The following EPS15 variants were observed in gnomAD, a reference collection of about 807,000 sequenced individuals.
EPS15 encodes the protein epidermal growth factor receptor pathway substrate 15.
EPS15 carries 72 observed loss-of-function variants against 113.8 expected under a neutral mutation model. The ratio of observed to expected loss-of-function variants is 0.63; its 90% CI spans 0.52 to 0.77. The LOEUF (loss-of-function observed/expected upper bound fraction) is 0.77. EPS15 is among the 30% of genes least tolerant of loss of function. The probability of loss-of-function intolerance (pLI) is 0.00; values close to 1 mark genes in which losing one functional copy is unlikely to be tolerated. For synonymous variants in EPS15, 344 were observed against 363.4 expected (o/e 0.95, Z 0.61); for missense variants, 1,048 against 1,045.8 (o/e 1.00, Z -0.03).
At chr1:51,496,506 C>T (rs1334358252) in intron 1 of EPS15, among the ~76,000 whole-genome samples, 2 of 152,086 alleles carry the variant, frequency 1.3e-5, no homozygotes, top group African/African-American at 4.8e-5. Flanking sequence ...TTTTATTCAC[C>T]TACAATTGCA....
intron 19 of EPS15, among the ~76,000 whole-genome samples, chr1:51,399,626 A>C (rs1648317797): frequency 6.6e-6 from 1 of 152,006 alleles, no homozygotes; most frequent in Non-Finnish European, 1.5e-5. Flanking sequence ...TGGGAGGTTG[A>C]GGTAGACGGA....
chr1:51,492,722 A>AC lies in EPS15; in HGVS notation c.34-11409_34-11408insG, dbSNP rs532740311. On this transcript the variant is annotated intron_variant, in intron 1 of 24. Transcript: ENST00000371733. Reference sequence around the variant, plus strand: ...GCCAAAAAAACAAACAAACAAACAAAAAAAACAGATCAGTGGAAGAAGCAT... The same window carrying AC: ...GCCAAAAAAACAAACAAACAAACAAACAAAAACAGATCAGTGGAAGAAGCAT... Among the ~76,000 whole-genome samples, 44 of 152,296 alleles carry AC rather than the reference A, an allele frequency of 2.9e-4. No individual in the cohort carries two copies. In the East Asian group the frequency reaches 8.3e-3, roughly 29 times the overall value.
intron 7 of EPS15, among the ~76,000 whole-genome samples, chr1:51,461,508 A>G (rs995721910): frequency 6.9e-6 from 1 of 144,212 alleles, no homozygotes; most frequent in African/African-American, 2.6e-5. Flanking sequence ...CAACGGAGCT[A>G]GACACTGTTT....
intron 21 of EPS15, among the ~76,000 whole-genome samples, chr1:51,377,211 C>T (rs560877372): frequency 2.0e-5 from 3 of 152,150 alleles, no homozygotes; most frequent in African/African-American, 7.2e-5. Flanking sequence ...TTGCAATGAG[C>T]CGAGACAGCT....
chr1:51,357,391 A>AAAAAATAT (rs1491245303), intron 24 of EPS15, among the ~76,000 whole-genome samples: 2 of 65,732 alleles, frequency 3.0e-5, no homozygotes, highest in African/African-American at 1.4e-4. Flanking sequence ...AAAAAAAAAA[A>AAAAAATAT]ATATATATAT....
At chr1:51,380,273 G>A (rs189452426) in intron 21 of EPS15, among the ~76,000 whole-genome samples, 1 of 151,820 alleles carries the variant, frequency 6.6e-6, no homozygotes, top group East Asian at 1.9e-4. Context: ...CATTCAAGTT[G>A]AAATGAAAGG....
Position 51,458,184 on chromosome 1 carries a change from A to C in EPS15, c.561+2907T>G, listed in dbSNP as rs375654437. ...GATACAGGGAGAAAGCAAATGTGAC[A>C]AAATGGTTAACAAGTAAATCTAGGA... is the stretch of plus-strand genomic sequence containing the variant. On this transcript the variant is annotated intron_variant, in intron 8 of 24. Coordinates refer to ENST00000371733, the MANE Select transcript of EPS15 (RefSeq NM_001981.3). 2.0e-5 allele frequency: 3 copies of C among 152,302 alleles called. No homozygotes were observed. In the East Asian group the frequency reaches 5.8e-4, roughly 29 times the overall value. The allele number at this position is 152,302 out of a possible 1,614,324, so 9.4% of individuals were successfully genotyped here. A position where few individuals can be genotyped will look rare whatever the true frequency, so the allele number is the denominator to read the frequency against.
chr1:51,479,281 C>T (rs1570394365), intron 2 of EPS15, among the ~76,000 whole-genome samples: 1 of 152,300 alleles, frequency 6.6e-6, no homozygotes, highest in East Asian at 1.9e-4. Context: ...ACGTAGTTCT[C>T]GTGCCATGGT....
At position 51,501,567 on chromosome 1, in the gene EPS15, C is replaced by G. The variant is rs572039187; in HGVS notation, c.33+17632G>C. Among the ~76,000 whole-genome samples, 93 of 151,874 alleles carry G rather than the reference C, an allele frequency of 6.1e-4. 1 individual carries two copies. Among genetic ancestry groups the G allele is most frequent in the African/African-American group, 2.1e-3 (85 of 41,408 alleles). On this transcript the variant is annotated intron_variant, in intron 1 of 24. Transcript: ENST00000371733. ...CAATCTAAGCTCACTGCAACCTCGC[C>G]TCCCGGGTTCAAGCGATTCTCCTGC... is the stretch of plus-strand genomic sequence containing the variant.
At position 51,356,638 on chromosome 1, in the gene EPS15, T is replaced by C. The variant is rs1646223578; in HGVS notation, c.*62A>G. Reference sequence around the variant, plus strand: ...TCACAGGTAGTTTTGATACACATTGTAAATAGTTTCAGTATTCAGGAAGAA... The same window carrying C: ...TCACAGGTAGTTTTGATACACATTGCAAATAGTTTCAGTATTCAGGAAGAA... On this transcript the variant is annotated 3_prime_UTR_variant, in exon 25 of 25. Transcript: ENST00000371733. The C allele has an allele frequency of 1.4e-6, 2 of 1,447,344 alleles. No individual in the cohort carries two copies. The highest frequency in any genetic ancestry group is 1.9e-6 in the Non-Finnish European group (2 of 1,052,868). 89.7% of individuals were successfully genotyped at this position (1,447,344 alleles called of 1,614,324 possible).
At chr1:51,372,158 A>G (rs1371609752) in intron 21 of EPS15, 2 of 380,720 alleles carry the variant, frequency 5.3e-6, no homozygotes, top group Non-Finnish European at 1.0e-5. Flanking sequence ...GCCCATGCAC[A>G]CACATTTTTT....
intron 1 of EPS15, among the ~76,000 whole-genome samples, chr1:51,494,716 C>T (rs1181870711): frequency 6.6e-6 from 1 of 152,234 alleles, no homozygotes; most frequent in African/African-American, 2.4e-5. Flanking sequence ...CTCTCCTACT[C>T]TTGGTAGTTC....
chr1:51,519,042 G>A (rs1184216465), intron 1 of EPS15, among the ~76,000 whole-genome samples, 157 bp downstream of exon 1: 1 of 151,208 alleles, frequency 6.6e-6, no homozygotes, highest in Non-Finnish European at 1.5e-5. Context: ...GCGCCCTCCC[G>A]CAGTCGCACC....
intron 8 of EPS15, among the ~76,000 whole-genome samples, chr1:51,454,049 C>CAAAAAAAAAAAAAA: frequency 1.1e-5 from 1 of 88,214 alleles, no homozygotes; most frequent in African/African-American, 3.6e-5. Context: ...GACTTTGTTT[C>CAAAAAAAAAAAAAA]AAAAAAAAAA....
Position 51,399,038 on chromosome 1 carries a change from A to T in EPS15, c.2046T>A (p.Ile682=), listed in dbSNP as rs1648244052. 6.2e-7 allele frequency: 1 copy of T among 1,612,728 alleles called. No individual in the cohort carries two copies. The highest frequency in any genetic ancestry group is 8.5e-7 in the Non-Finnish European group (1 of 1,179,476). ...DPFSAANNSS[I]TSVETLKHND... ...TTTTAATTCTCCCACTTACCGATGTAATACTGCTATTGTTGGCTGCACTGA... is the reference window on the plus strand; with the variant it reads ...TTTTAATTCTCCCACTTACCGATGTTATACTGCTATTGTTGGCTGCACTGA... The change falls in exon 20 of 25, where the codon ATT becomes ATA. Residue 682 remains isoleucine, a synonymous_variant. Transcript: ENST00000371733.
At chr1:51,431,027 C>CACACAA (rs1491306539) in intron 12 of EPS15, among the ~76,000 whole-genome samples, 3 of 96,036 alleles carry the variant, frequency 3.1e-5, no homozygotes, top group African/African-American at 5.3e-5. Flanking sequence ...CACACACACA[C>CACACAA]AAAAATAAAA....
intron 21 of EPS15, among the ~76,000 whole-genome samples, chr1:51,387,401 A>G (rs2148393793): frequency 6.6e-6 from 1 of 152,324 alleles, no homozygotes; most frequent in African/African-American, 2.4e-5. Flanking sequence ...CTAGGAAGAA[A>G]CTGCATCAAC....
intron 1 of EPS15, among the ~76,000 whole-genome samples, chr1:51,486,820 A>T (rs1054774544): frequency 2.0e-5 from 3 of 151,236 alleles, no homozygotes; most frequent in Non-Finnish European, 4.4e-5. Context: ...ACACCTGGCT[A>T]ATTTTTGTGT....
rs1312552914 is a variant in EPS15 at position 51,398,478 on chromosome 1, T to C, written c.2052+554A>G. On this transcript the variant is annotated intron_variant, in intron 20 of 24. Coordinates refer to ENST00000371733, the MANE Select transcript of EPS15 (RefSeq NM_001981.3). ...GGATATCAACACCTACTTTGCAAAA[T>C]TGATGTGAAGATTAGAAACAATGAA... Among the ~76,000 whole-genome samples, 12 of 152,164 alleles carry C rather than the reference T, an allele frequency of 7.9e-5. No individual in the cohort carries two copies. The South Asian group carries it at 1.4e-3, about 18-fold the overall frequency.
Sources: gnomAD v4.1 joint callset for allele counts (sites outside exome capture counted in the v4.1 genomes callset) on GRCh38, gnomAD v4.1.1 for gene constraint, MANE v1.5 for transcripts, NCBI Gene and HGNC (gene_info 2026-07-23, HGNC 2026-07-21) for gene names.